Variants in CLCNKA observed in about 807,000 individuals in gnomAD.
CLCNKA encodes chloride voltage-gated channel Ka, also known as chloride channel protein ClC-Ka.
Under a neutral mutation model 83.3 loss-of-function variants are expected in CLCNKA, and 66 were observed. The ratio of observed to expected loss-of-function variants is 0.79; its 90% CI spans 0.65 to 0.97. The LOEUF (loss-of-function observed/expected upper bound fraction) is 0.97. Among genes scored for constraint, CLCNKA ranks in the 50% least tolerant of loss-of-function variants. The pLI is 0.00. For missense variants in CLCNKA, 806 were observed against 888.7 expected (o/e 0.91, Z 1.18); for synonymous variants, 357 against 370.4 (o/e 0.96, Z 0.42).
chr1:16,030,179 T>G lies in CLCNKA; in HGVS notation c.1408+104T>G, dbSNP rs1338606071. The G allele has an allele frequency of 7.4e-5, 62 of 843,078 alleles. No individual in the cohort carries two copies. The Middle Eastern group carries it at 1.3e-3, about 18-fold the overall frequency. 52.2% of individuals were successfully genotyped at this position (843,078 alleles called of 1,614,324 possible). A position where few individuals can be genotyped will look rare whatever the true frequency, so the allele number is the denominator to read the frequency against. The stretch of plus-strand genomic sequence containing the variant: ...AGGGCACGGAGCAGTCACTGAGTCC[T>G]CCAGTGAACCCCCTACCCCTCATGG... On this transcript the variant is annotated intron_variant, in intron 14 of 19. Transcript: ENST00000331433.
rs768170598 is a variant in CLCNKA, at chr1:16,028,117, T to G, written c.966T>G (p.Thr322=). 7.1e-6 allele frequency: 11 copies of G among 1,542,868 alleles called. No individual in the cohort carries two copies. The highest frequency in any genetic ancestry group is 9.0e-6 in the Non-Finnish European group (10 of 1,116,194). The change falls in exon 10 of 20, where the codon ACT becomes ACG. Residue 322 remains threonine, a splice_region_variant and synonymous_variant. Coordinates refer to ENST00000331433, the MANE Select transcript of CLCNKA (RefSeq NM_004070.4). ...GGTACAGCTCCAAACTGCTGGCTACTAGGTAGGCTCTGGGCTAGGGGCTGG... is the reference window on the plus strand; with the variant it reads ...GGTACAGCTCCAAACTGCTGGCTACGAGGTAGGCTCTGGGCTAGGGGCTGG... The part of the protein sequence containing the change: ...TNRYSSKLLA[T]SKPVYSALAT...
At position 16,023,724 on chromosome 1, in the gene CLCNKA, C is replaced by G. The variant is rs1471106945; in HGVS notation, c.101-76C>G. ...TACCAGGGTCCTCCCTGCCTGGAGC[C>G]AAGCAGACCTCCAGGGAAGGGGCTG... On this transcript the variant is annotated intron_variant, in intron 2 of 19. Coordinates refer to ENST00000331433, the MANE Select transcript of CLCNKA (RefSeq NM_004070.4). 3 of 1,579,274 alleles carry G rather than the reference C, an allele frequency of 1.9e-6. No homozygotes were observed. In the Admixed American group the frequency reaches 5.1e-5, roughly 27 times the overall value.
chr1:16,033,292 C>T (rs749862963), intron 19 of CLCNKA, 36 bp downstream of exon 19: 3 of 1,607,326 alleles, frequency 1.9e-6, no homozygotes, highest in South Asian at 1.1e-5. Flanking sequence ...AAGCAGGGGA[C>T]CCATGCCTGA....
intron 5 of CLCNKA, 85 bp from the exon 6 acceptor site, chr1:16,026,451 G>A: frequency 6.4e-7 from 1 of 1,573,736 alleles, no homozygotes; most frequent in Non-Finnish European, 8.7e-7. Context: ...GGGAGATGGA[G>A]GAGGGGGTGT....
At position 16,031,273 on chromosome 1, in the gene CLCNKA, A is replaced by G. The variant is rs193036525; in HGVS notation, c.1623-437A>G. 1.4e-3 allele frequency among the ~76,000 whole-genome samples: 212 copies of G among 152,280 alleles called. 1 individual carries two copies. Among genetic ancestry groups the G allele is most frequent in the Non-Finnish European group, 1.1e-3 (75 of 68,018 alleles). ...GGGCTGTTTATACCAGTGATTTTCA[A>G]CCTTCCAAGTTTTTCCTTGGGGGTG... On this transcript the variant is annotated intron_variant, in intron 15 of 19. Transcript: ENST00000331433.
chr1:16,030,015 G>A lies in CLCNKA; in HGVS notation c.1348G>A (p.Glu450Lys), dbSNP rs1388538315. 6.2e-7 allele frequency: 1 copy of A among 1,611,172 alleles called. No individual in the cohort carries two copies. Among genetic ancestry groups the A allele is most frequent in the Admixed American group, 1.7e-5 (1 of 60,018 alleles). Residue 450 changes from glutamate to lysine, a missense_variant, in exon 14 of 20, where the codon GAG (glutamate) becomes AAG (lysine). Coordinates refer to ENST00000331433, the MANE Select transcript of CLCNKA (RefSeq NM_004070.4). ...LGEALAVAFP[E>K]GIVTGGVTNP... ...AGAGGCTCTTGCCGTCGCCTTCCCTGAGGGCATTGTGACTGGAGGGGTTAC... is the reference window on the plus strand; with the variant it reads ...AGAGGCTCTTGCCGTCGCCTTCCCTAAGGGCATTGTGACTGGAGGGGTTAC...
intron 18 of CLCNKA, 90 bp downstream of exon 18, chr1:16,032,616 C>A: frequency 1.0e-6 from 1 of 958,442 alleles, no homozygotes. Flanking sequence ...CCGTCCCAAC[C>A]CCGCCCCGCC....
At position 16,027,920 on chromosome 1, in the gene CLCNKA, T is replaced by G. The variant is rs750794982; in HGVS notation, c.866+15T>G. The stretch of plus-strand genomic sequence containing the variant: ...GTGGCGCTGGGGTGAGTGGGTGCCT[T>G]GGGCCCCTGAGAGTCCAAAAGGCAT... On this transcript the variant is annotated intron_variant, in intron 9 of 19. Coordinates refer to ENST00000331433, the MANE Select transcript of CLCNKA (RefSeq NM_004070.4). 2.7e-5 allele frequency: 44 copies of G among 1,613,808 alleles called. No individual in the cohort carries two copies. The highest frequency in any genetic ancestry group is 3.6e-5 in the Non-Finnish European group (43 of 1,179,928).
intron 2 of CLCNKA, among the ~76,000 whole-genome samples, chr1:16,023,231 G>A (rs1204512419): frequency 6.6e-6 from 1 of 152,246 alleles, no homozygotes; most frequent in Admixed American, 6.5e-5. Context: ...AGGCTGGGCT[G>A]CAGCCAGCGG....
chr1:16,026,301 A>T (rs1334008965), intron 5 of CLCNKA, 54 bp downstream of exon 5: 2 of 1,168,944 alleles, frequency 1.7e-6, no homozygotes, highest in African/African-American at 3.3e-5. Flanking sequence ...ACCCTGCCCC[A>T]GCTCTCCCCC....
At chr1:16,030,097 T>C (rs2022560143) in intron 14 of CLCNKA, 22 bp downstream of exon 14, 1 of 1,538,048 alleles carries the variant, frequency 6.5e-7, no homozygotes, top group Non-Finnish European at 9.0e-7. Context: ...ACGGCCCTGC[T>C]GGGTGGGCAA....
chr1:16,031,273 AC>A (rs1557456106), intron 15 of CLCNKA, among the ~76,000 whole-genome samples: 1 of 152,164 alleles, frequency 6.6e-6, no homozygotes, highest in Non-Finnish European at 1.5e-5. Context: ...GTGATTTTCA[AC>A]CTTCCAAGTT....
In CLCNKA at chr1:16,023,896, C is replaced by T. The variant is rs2022238175; in HGVS notation, c.197C>T (p.Ala66Val). 1.2e-6 allele frequency: 2 copies of T among 1,614,034 alleles called. No individual in the cohort carries two copies. Among genetic ancestry groups the T allele is most frequent in the East Asian group, 2.2e-5 (1 of 44,876 alleles). The change falls in exon 3 of 20, where the codon GCC (alanine) becomes GTC (valine). Residue 66 changes from alanine (A) to valine (V), a missense_variant. Ala to Val is a moderately conservative substitution (Grantham distance 64, BLOSUM62 0). Transcript: ENST00000331433. ...LGVLMALVSYAMNFAIGCVVR... is the reference protein window; with the variant it reads ...LGVLMALVSYVMNFAIGCVVR... The stretch of plus-strand genomic sequence containing the variant: ...GTGCTCATGGCCCTGGTCAGCTATG[C>T]CATGAACTTTGCCATCGGGTGTGTG...
chr1:16,022,750 G>A lies in CLCNKA; in HGVS notation c.100+31G>A, dbSNP rs1338166742. On this transcript the variant is annotated intron_variant, in intron 2 of 19. Transcript: ENST00000331433. ...AGCCAGGTCCTCTTCCCTACCCGCG[G>A]GGGACCACTCAGGACATCATTCCTG... is the stretch of plus-strand genomic sequence containing the variant. 4 of 1,444,590 alleles carry A rather than the reference G, an allele frequency of 2.8e-6. No homozygotes were observed. In the East Asian group the frequency reaches 7.6e-5, roughly 27 times the overall value. The allele number at this position is 1,444,590 out of a possible 1,614,324, so 89.5% of individuals were successfully genotyped here.
At chr1:16,031,974 G>T in intron 16 of CLCNKA, 131 bp downstream of exon 16, 1 of 1,503,908 alleles carries the variant, frequency 6.6e-7, no homozygotes, top group South Asian at 1.2e-5. Flanking sequence ...CCTTGAGCAA[G>T]TCACTTCACC....
At chr1:16,028,924 C>G in intron 11 of CLCNKA, 79 bp downstream of exon 11, 3 of 1,553,720 alleles carry the variant, frequency 1.9e-6, no homozygotes, top group African/African-American at 1.4e-5. Context: ...ACGTAATACC[C>G]TCAGCACCCC....
In CLCNKA at chr1:16,029,719, C is replaced by T; in HGVS notation, c.1228-12C>T. ...GCCTCTAACCTCTGCCCTGGGCTCCCCCTTCCTGCAGTTCTGGATGCTGAT... is the reference window on the plus strand; with the variant it reads ...GCCTCTAACCTCTGCCCTGGGCTCCTCCTTCCTGCAGTTCTGGATGCTGAT... On this transcript the variant is annotated splice_polypyrimidine_tract_variant and intron_variant, in intron 12 of 19. Coordinates refer to ENST00000331433, the MANE Select transcript of CLCNKA (RefSeq NM_004070.4). The T allele has an allele frequency of 6.2e-7, 1 of 1,614,152 alleles. No homozygotes were observed. Among genetic ancestry groups the T allele is most frequent in the Non-Finnish European group, 8.5e-7 (1 of 1,180,032 alleles).
At position 16,032,483 on chromosome 1, in the gene CLCNKA, A is replaced by G; in HGVS notation, c.1886A>G (p.Glu629Gly). The G allele has an allele frequency of 1.2e-6, 2 of 1,613,338 alleles. No homozygotes were observed. The highest frequency in any genetic ancestry group is 1.7e-6 in the Non-Finnish European group (2 of 1,179,964). ...QDILARGCPT[E>G]PVTLTLFSET... is the part of the protein sequence containing the mutation. Reference sequence around the variant, plus strand: ...ATCTTGGCCAGGGGCTGCCCCACGGAACCAGTGACCCTGACGCTATTCTCA... The same window carrying G: ...ATCTTGGCCAGGGGCTGCCCCACGGGACCAGTGACCCTGACGCTATTCTCA... Residue 629 changes from glutamate (E) to glycine (G), a missense_variant, in exon 18 of 20, where the codon GAA becomes GGA. Transcript: ENST00000331433.
chr1:16,028,288 C>A (rs1427149545), intron 10 of CLCNKA, among the ~76,000 whole-genome samples, 169 bp downstream of exon 10: 2 of 151,562 alleles, frequency 1.3e-5, no homozygotes, highest in African/African-American at 4.9e-5. Flanking sequence ...TCCCCCCTTC[C>A]TTACTGGGCT....
Sources: allele counts gnomAD v4.1 joint callset (sites outside exome capture counted in the v4.1 genomes callset), GRCh38; gene constraint gnomAD v4.1.1; transcripts MANE v1.5; gene names NCBI Gene and HGNC (gene_info 2026-07-23, HGNC 2026-07-21).